The following MTSS1 variants were observed in gnomAD, a reference collection of about 807,000 sequenced individuals.
MTSS1 encodes the protein MTSS I-BAR domain containing 1, also known as protein MTSS 1.
A neutral mutation model predicts 79.0 loss-of-function variants in MTSS1; 18 were observed. The observed-to-expected ratio is 0.23, with a 90% CI of 0.16 to 0.34. MTSS1 has a LOEUF of 0.34. Among genes scored for constraint, MTSS1 ranks in the 10% least tolerant of loss-of-function variants. The pLI, the probability that MTSS1 is intolerant of heterozygous loss-of-function variation, is 1.00. For synonymous variants in MTSS1, 341 were observed against 368.6 expected (o/e 0.93, Z 0.86); for missense variants, 815 against 986.2 (o/e 0.83, Z 2.33).
At position 124,568,597 on chromosome 8, in the gene MTSS1, C is replaced by CCT. The variant is rs1563767906; in HGVS notation, c.461-63_461-62dup. 3.1e-6 allele frequency: 5 copies of CCT among 1,608,242 alleles called. No homozygotes were observed. The South Asian group carries it at 5.5e-5, about 18-fold the overall frequency. On this transcript the variant is annotated intron_variant, in intron 6 of 13. Transcript: ENST00000518547. The stretch of plus-strand genomic sequence containing the variant: ...AATACCAGCTTCTGGAACAAGTGCC[C>CCT]CTCCTCCCTGGGGTCCTTGCTGGAG...
chr8:124,647,040 G>A (rs75315770), intron 3 of MTSS1, among the ~76,000 whole-genome samples: 1 of 152,100 alleles, frequency 6.6e-6, no homozygotes, highest in Non-Finnish European at 1.5e-5. Context: ...TGTAGAGATG[G>A]GGTCTCACTA....
At chr8:124,686,142 G>T (rs1826933027) in intron 3 of MTSS1, among the ~76,000 whole-genome samples, 1 of 152,192 alleles carries the variant, frequency 6.6e-6, no homozygotes, top group Non-Finnish European at 1.5e-5. Flanking sequence ...CGAAACTCAG[G>T]TGTGTCCAGC....
At chr8:124,707,230 T>C (rs1447014009) in intron 1 of MTSS1, among the ~76,000 whole-genome samples, 1 of 151,960 alleles carries the variant, frequency 6.6e-6, no homozygotes, top group Admixed American at 6.6e-5. Flanking sequence ...AGAAATATTA[T>C]TAAGACGATC....
chr8:124,692,648 C>T (rs1828141211), intron 3 of MTSS1, among the ~76,000 whole-genome samples: 2 of 152,120 alleles, frequency 1.3e-5, no homozygotes, highest in South Asian at 4.1e-4. Flanking sequence ...GGGTGAGTGC[C>T]TTCTACCCAG....
At chr8:124,674,118 C>T (rs1366586562) in intron 3 of MTSS1, among the ~76,000 whole-genome samples, 1 of 152,140 alleles carries the variant, frequency 6.6e-6, no homozygotes, top group Non-Finnish European at 1.5e-5. Context: ...GGGGCAGGTA[C>T]AGAATATATT....
intron 7 of MTSS1, chr8:124,568,044 G>A: frequency 9.4e-7 from 1 of 1,062,318 alleles, no homozygotes; most frequent in South Asian, 2.7e-5. Context: ...CAGAGGTTTG[G>A]ACTTGGTGGG....
At chr8:124,719,841 C>A (rs916284674) in intron 1 of MTSS1, among the ~76,000 whole-genome samples, 1 of 152,136 alleles carries the variant, frequency 6.6e-6, no homozygotes, top group African/African-American at 2.4e-5. Context: ...GCTAAGCCCT[C>A]GACTTTTACT....
chr8:124,564,252 C>T (rs1825906293), intron 9 of MTSS1, among the ~76,000 whole-genome samples: 10 of 151,868 alleles, frequency 6.6e-5, no homozygotes, highest in Admixed American at 6.6e-4. Context: ...GTTGTAGAGG[C>T]AGCAGCAGGG....
At chr8:124,638,925 C>T (rs533960989) in intron 3 of MTSS1, among the ~76,000 whole-genome samples, 10 of 152,340 alleles carry the variant, frequency 6.6e-5, no homozygotes, top group South Asian at 2.1e-4. Context: ...ACTAACTGGG[C>T]GGGCCAGTTT....
At chr8:124,602,178 C>CATATATATATATATATAT (rs1381999447) in intron 3 of MTSS1, among the ~76,000 whole-genome samples, 38 of 101,406 alleles carry the variant, frequency 3.7e-4, no homozygotes, top group African/African-American at 1.4e-3. Flanking sequence ...AAATAAATCT[C>CATATATATATATATATAT]ATATATATAC....
At chr8:124,573,700 A>G (rs4871504) in intron 6 of MTSS1, among the ~76,000 whole-genome samples, 4 of 152,028 alleles carry the variant, frequency 2.6e-5, no homozygotes, top group African/African-American at 9.7e-5. Flanking sequence ...CAAGAGGAGG[A>G]GGGAGGGGGT....
chr8:124,723,793 T>C, intron 1 of MTSS1, among the ~76,000 whole-genome samples: 1 of 152,226 alleles, frequency 6.6e-6, no homozygotes, highest in East Asian at 1.9e-4. Flanking sequence ...TTACAAGTGC[T>C]CTGCTTGTCC....
intron 3 of MTSS1, among the ~76,000 whole-genome samples, chr8:124,665,108 T>G (rs1417743962): frequency 6.6e-6 from 1 of 152,214 alleles, no homozygotes; most frequent in Non-Finnish European, 1.5e-5. Context: ...AGTAACTTGC[T>G]GTAATATAAA....
At chr8:124,677,529 A>G (rs1272210992) in intron 3 of MTSS1, among the ~76,000 whole-genome samples, 2 of 152,220 alleles carry the variant, frequency 1.3e-5, no homozygotes, top group African/African-American at 4.8e-5. Context: ...CATGTCACAA[A>G]ACATTACTGT....
chr8:124,682,201 C>T (rs1034197826), intron 3 of MTSS1, among the ~76,000 whole-genome samples: 13 of 151,094 alleles, frequency 8.6e-5, no homozygotes, highest in East Asian at 3.9e-4. Context: ...TTCCATTTTA[C>T]GCTAAAGCCA....
intron 6 of MTSS1, chr8:124,577,768 C>T: frequency 2.3e-6 from 1 of 429,786 alleles, no homozygotes; most frequent in Admixed American, 2.5e-5. Context: ...GTTCTTCCTC[C>T]TCACTCCACT....
rs1829391101 is a variant in MTSS1 at position 124,699,512 on chromosome 8, C to T, written c.208+14G>A. ...AATGCAGTTAACACTGGGAGTCAGC[C>T]TCCATCTGCTTACCACGTGTGTTGG... On this transcript the variant is annotated intron_variant, in intron 3 of 13. Coordinates refer to ENST00000518547, the MANE Select transcript of MTSS1 (RefSeq NM_014751.6). 2 of 1,613,706 alleles carry T rather than the reference C, an allele frequency of 1.2e-6. No individual in the cohort carries two copies. The highest frequency in any genetic ancestry group is 2.7e-5 in the African/African-American group (2 of 75,034).
intron 3 of MTSS1, among the ~76,000 whole-genome samples, chr8:124,656,753 G>A (rs1266941969): frequency 2.0e-5 from 3 of 146,802 alleles, no homozygotes; most frequent in Non-Finnish European, 3.0e-5. Context: ...ATTCCAGGCT[G>A]GGCAAAAGAG....
At chr8:124,633,571 G>A (rs1816424945) in intron 3 of MTSS1, among the ~76,000 whole-genome samples, 1 of 152,124 alleles carries the variant, frequency 6.6e-6, no homozygotes, top group Non-Finnish European at 1.5e-5. Context: ...AGGAGTTCGA[G>A]ACCAGCCTGG....
Sources: allele counts gnomAD v4.1 joint callset (sites outside exome capture counted in the v4.1 genomes callset), GRCh38; gene constraint gnomAD v4.1.1; transcripts MANE v1.5; gene names NCBI Gene and HGNC (gene_info 2026-07-23, HGNC 2026-07-21).